The following MCTP1 variants were observed in gnomAD, a reference collection of about 807,000 sequenced individuals.
The protein encoded by MCTP1 is multiple C2 and transmembrane domain containing 1, also known as multiple C2 and transmembrane domain-containing protein 1.
In MCTP1, 69 loss-of-function variants were observed where a neutral mutation model predicts 120.6. The ratio of observed to expected loss-of-function variants is 0.57; its 90% confidence interval spans 0.47 to 0.70. The LOEUF is 0.70. Among genes scored for constraint, MCTP1 ranks in the 30% least tolerant of loss-of-function variants. The pLI is 0.00. For missense variants in MCTP1, 1,203 were observed against 1,248.8 expected, an observed-to-expected ratio of 0.96 and a Z score of 0.55; for synonymous variants, 529 against 493.1, an observed-to-expected ratio of 1.07 and a Z score of -0.96.
intron 19 of MCTP1, among the ~76,000 whole-genome samples, chr5:94,778,460 G>T (rs2152932926): frequency 6.6e-6 from 1 of 152,100 alleles, no homozygotes; most frequent in East Asian, 1.9e-4. Context: ...ACCTCCAGTT[G>T]TCCCCCCTCC....
chr5:94,942,370 G>T lies in MCTP1; in HGVS notation c.1039C>A (p.Leu347Met). 1 of 1,611,210 alleles carries T rather than the reference G, an allele frequency of 6.2e-7. No homozygotes were observed. The highest frequency in any genetic ancestry group is 1.1e-5 in the South Asian group (1 of 91,014). The change falls in exon 4 of 23, where the codon CTG (leucine) becomes ATG (methionine). Residue 347 changes from leucine (L) to methionine (M), a missense_variant. This residue lies in a region of MCTP1 where 740 missense variants were observed against 871.1 expected (regional missense o/e 0.85). Coordinates refer to ENST00000515393, the MANE Select transcript of MCTP1 (RefSeq NM_024717.7). The stretch of plus-strand genomic sequence containing the variant: ...TACCTGTTTAACTCCAATTGTGTCA[G>T]ATCCAGAAAGGCTGAGCCCATAAAG... Reference protein sequence around the residue: ...DDFMGSAFLDLTQLELNRPTD... With the variant: ...DDFMGSAFLDMTQLELNRPTD...
At chr5:94,937,733 G>T (rs457891) in intron 5 of MCTP1, among the ~76,000 whole-genome samples, 109,911 of 151,880 alleles carry the variant, frequency 0.72, 40,164 homozygotes, top group East Asian at 0.85. Flanking sequence ...TCTCCTGATA[G>T]TAACTTGCTC....
intron 1 of MCTP1, among the ~76,000 whole-genome samples, chr5:95,195,642 TC>T (rs1263265874): frequency 2.0e-5 from 3 of 152,062 alleles, no homozygotes; most frequent in African/African-American, 7.2e-5. Flanking sequence ...TGAGTTTGGA[TC>T]CAAATGCCGA....
chr5:95,003,171 C>T (rs951024988), intron 2 of MCTP1, among the ~76,000 whole-genome samples: 1 of 152,158 alleles, frequency 6.6e-6, no homozygotes, highest in Non-Finnish European at 1.5e-5. Context: ...AACCTCTTTT[C>T]TTTATAAATT....
At chr5:95,218,148 A>C (rs959161858) in intron 1 of MCTP1, among the ~76,000 whole-genome samples, 1 of 152,246 alleles carries the variant, frequency 6.6e-6, no homozygotes, top group African/African-American at 2.4e-5. Context: ...TAGTCCTCCA[A>C]ATGAGTTACA....
chr5:95,188,507 C>T (rs1188107519), intron 1 of MCTP1, among the ~76,000 whole-genome samples: 2 of 152,268 alleles, frequency 1.3e-5, no homozygotes, highest in African/African-American at 4.8e-5. Context: ...AAACAACCTT[C>T]GATGGGAAGG....
At chr5:94,750,020 C>T (rs1767915513) in intron 19 of MCTP1, among the ~76,000 whole-genome samples, 1 of 152,176 alleles carries the variant, frequency 6.6e-6, no homozygotes, top group Non-Finnish European at 1.5e-5. Context: ...GTAAAATCTA[C>T]GTCCTTTAGT....
chr5:95,185,675 G>A (rs1263385251), intron 1 of MCTP1, among the ~76,000 whole-genome samples: 4 of 151,848 alleles, frequency 2.6e-5, no homozygotes, highest in African/African-American at 4.8e-5. Flanking sequence ...CCAGCTACTC[G>A]GGAAGCTGAG....
At chr5:94,776,439 C>T (rs115029547) in intron 19 of MCTP1, among the ~76,000 whole-genome samples, 1,738 of 152,150 alleles carry the variant, frequency 0.011, 16 homozygotes, top group Middle Eastern at 0.017. Context: ...ACGTAATACC[C>T]CATTTACCCC....
At chr5:94,717,291 G>C (rs1305220463) in intron 19 of MCTP1, among the ~76,000 whole-genome samples, 1 of 152,080 alleles carries the variant, frequency 6.6e-6, no homozygotes, top group Admixed American at 6.5e-5. Flanking sequence ...TATTTCAATA[G>C]ACGCGAAAAA....
intron 1 of MCTP1, among the ~76,000 whole-genome samples, chr5:95,050,824 A>C (rs1458489309): frequency 6.6e-6 from 1 of 152,178 alleles, no homozygotes; most frequent in Admixed American, 6.5e-5. Context: ...ATATGTAATT[A>C]GTTAAGATGA....
intron 13 of MCTP1, among the ~76,000 whole-genome samples, chr5:94,871,749 CCTT>C (rs1343744380): frequency 6.6e-6 from 1 of 151,888 alleles, no homozygotes; most frequent in Non-Finnish European, 1.5e-5. Context: ...TTAGACTTTC[CCTT>C]CTTCTAATTA....
At chr5:95,176,769 G>A (rs1183560815) in intron 1 of MCTP1, among the ~76,000 whole-genome samples, 2 of 152,100 alleles carry the variant, frequency 1.3e-5, no homozygotes, top group Non-Finnish European at 2.9e-5. Context: ...GAAGTGGGGA[G>A]AATCACCTGA....
intron 1 of MCTP1, among the ~76,000 whole-genome samples, chr5:95,111,096 G>A (rs2152388287): frequency 6.6e-6 from 1 of 152,278 alleles, no homozygotes; most frequent in Middle Eastern, 3.4e-3. Context: ...CCTAAAACAT[G>A]TTTAGATGTC....
chr5:95,064,614 A>C (rs1476764374), intron 1 of MCTP1, among the ~76,000 whole-genome samples: 3 of 152,234 alleles, frequency 2.0e-5, no homozygotes, highest in Non-Finnish European at 4.4e-5. Flanking sequence ...TTCTCAGTCC[A>C]TGAGGATATT....
intron 17 of MCTP1, chr5:94,867,098 A>G (rs1210485540): frequency 1.1e-5 from 7 of 639,362 alleles, no homozygotes; most frequent in East Asian, 3.5e-5. Flanking sequence ...TTTCTCATCA[A>G]TGTAAAAGTA....
chr5:94,859,691 T>C (rs762539419), intron 17 of MCTP1, among the ~76,000 whole-genome samples: 29 of 151,762 alleles, frequency 1.9e-4, no homozygotes, highest in African/African-American at 6.3e-4. Context: ...GAAGAAAATG[T>C]AGCTATCTGA....
At position 95,061,496 on chromosome 5, in the gene MCTP1, C is replaced by A. The variant is rs527345703; in HGVS notation, c.721-44012G>T. 4.7e-3 allele frequency among the ~76,000 whole-genome samples: 554 copies of A among 118,060 alleles called. 6 individuals are homozygous for A. Among genetic ancestry groups the A allele is most frequent in the African/African-American group, 0.017 (521 of 30,620 alleles). The allele number at this position is 118,060 out of a possible 152,430, so 77.5% of individuals were successfully genotyped here. A position where few individuals can be genotyped will look rare whatever the true frequency, so the allele number is the denominator to read the frequency against. On this transcript the variant is annotated intron_variant, in intron 1 of 22. Coordinates refer to ENST00000515393, the MANE Select transcript of MCTP1 (RefSeq NM_024717.7). ...TGTCTCCCAGGCTGGAGTGCAGTGG[C>A]GGGATCTCGGCTCACTGCAAGCTCC...
At chr5:95,210,100 T>C (rs2152565784) in intron 1 of MCTP1, among the ~76,000 whole-genome samples, 1 of 152,270 alleles carries the variant, frequency 6.6e-6, no homozygotes, top group South Asian at 2.1e-4. Context: ...TCCAAGTATG[T>C]GGTCAATTTT....
Sources: gnomAD v4.1 joint callset for allele counts (sites outside exome capture counted in the v4.1 genomes callset) on GRCh38, gnomAD v4.1.1 for gene constraint, gnomAD v4.1.1 regional missense constraint, MANE v1.5 for transcripts, NCBI Gene and HGNC (gene_info 2026-07-23, HGNC 2026-07-21) for gene names.